Variants in RBFOX1 observed in about 807,000 individuals in gnomAD.
RBFOX1 encodes the protein RNA binding protein fox-1 homolog 1.
A neutral mutation model predicts 57.7 loss-of-function variants in RBFOX1; 8 were observed. That is an observed-to-expected ratio of 0.14 (90% CI 0.08 to 0.25). The LOEUF (loss-of-function observed/expected upper bound fraction) is 0.25. Among genes scored for constraint, RBFOX1 ranks in the 10% least tolerant of loss-of-function variants. RBFOX1 has a pLI of 1.00. For missense variants in RBFOX1, 611 were observed against 548.5 expected (o/e 1.11, Z -1.14); for synonymous variants, 326 against 222.4 (o/e 1.47, Z -4.15).
chr16:5,268,478 C>T (rs753287563), intron 1 of RBFOX1, among the ~76,000 whole-genome samples: 10 of 152,338 alleles, frequency 6.6e-5, no homozygotes, highest in African/African-American at 1.2e-4. Flanking sequence ...CAAGATTATA[C>T]GTGCAAATCC....
intron 4 of RBFOX1, among the ~76,000 whole-genome samples, chr16:7,056,834 A>C (rs151090720): frequency 6.6e-6 from 1 of 152,188 alleles, no homozygotes; most frequent in African/African-American, 2.4e-5. Flanking sequence ...CTGATCTGCA[A>C]TATGGCAATG....
chr16:5,295,788 C>T (rs2063652309), intron 1 of RBFOX1, among the ~76,000 whole-genome samples: 1 of 152,200 alleles, frequency 6.6e-6, no homozygotes, highest in Non-Finnish European at 1.5e-5. Context: ...TCATAGGCCC[C>T]ACCCACATTA....
chr16:5,694,407 C>G (rs2050786421), intron 3 of RBFOX1, among the ~76,000 whole-genome samples: 1 of 152,170 alleles, frequency 6.6e-6, no homozygotes, highest in Non-Finnish European at 1.5e-5. Context: ...TTGAGATTTC[C>G]TGAGTGATTT....
At chr16:6,842,529 C>G (rs2093534468) in intron 3 of RBFOX1, among the ~76,000 whole-genome samples, 2 of 151,912 alleles carry the variant, frequency 1.3e-5, no homozygotes, top group African/African-American at 2.4e-5. Context: ...CCCTTTTCAG[C>G]TTGATGAATA....
At chr16:6,000,229 G>A (rs1408510660) in intron 4 of RBFOX1, among the ~76,000 whole-genome samples, 2 of 152,114 alleles carry the variant, frequency 1.3e-5, no homozygotes, top group Non-Finnish European at 2.9e-5. Context: ...CCCCTGGTGC[G>A]ATGCTTCCTC....
At chr16:6,685,523 G>C (rs1055821411) in intron 3 of RBFOX1, among the ~76,000 whole-genome samples, 1 of 147,416 alleles carries the variant, frequency 6.8e-6, no homozygotes, top group African/African-American at 2.5e-5. Flanking sequence ...CCTCACCTCC[G>C]GTGATCCGCG....
At chr16:7,083,923 C>T (rs1346576862) in intron 4 of RBFOX1, among the ~76,000 whole-genome samples, 4 of 152,110 alleles carry the variant, frequency 2.6e-5, no homozygotes, top group African/African-American at 9.7e-5. Flanking sequence ...GCATCCTGCC[C>T]ACCTAGAGGT....
At chr16:6,425,375 C>G (rs1285152504) in intron 2 of RBFOX1, among the ~76,000 whole-genome samples, 1 of 152,138 alleles carries the variant, frequency 6.6e-6, no homozygotes, top group African/African-American at 2.4e-5. Context: ...AAATTAACAG[C>G]CTCTCCTGAA....
At chr16:6,220,312 A>C (rs1180249168) in intron 1 of RBFOX1, among the ~76,000 whole-genome samples, 1 of 152,124 alleles carries the variant, frequency 6.6e-6, no homozygotes, top group East Asian at 1.9e-4. Context: ...ATGCAGATAC[A>C]TGTTCATTTT....
At chr16:6,979,770 A>G (rs1052158237) in intron 3 of RBFOX1, among the ~76,000 whole-genome samples, 3 of 152,234 alleles carry the variant, frequency 2.0e-5, no homozygotes, top group Non-Finnish European at 4.4e-5. Flanking sequence ...TAAAAATGCA[A>G]AAATCATCTC....
chr16:6,835,671 T>C (rs552057421), intron 3 of RBFOX1, among the ~76,000 whole-genome samples: 2 of 148,010 alleles, frequency 1.4e-5, no homozygotes, highest in South Asian at 2.1e-4. Context: ...TGAGAATAGC[T>C]TGAACCTCAG....
At chr16:7,665,964 A>G (rs183950091) in intron 13 of RBFOX1, among the ~76,000 whole-genome samples, 60 of 152,316 alleles carry the variant, frequency 3.9e-4, no homozygotes, top group African/African-American at 1.3e-3. Flanking sequence ...GAGTTCTACT[A>G]TTGCATCAAG....
chr16:6,906,867 C>G (rs548340976), intron 3 of RBFOX1, among the ~76,000 whole-genome samples: 1 of 151,894 alleles, frequency 6.6e-6, no homozygotes, highest in African/African-American at 2.4e-5. Flanking sequence ...AGATTACAGG[C>G]ACCTGCCACC....
intron 2 of RBFOX1, among the ~76,000 whole-genome samples, chr16:6,395,704 A>G (rs2092800759): frequency 1.3e-5 from 2 of 152,160 alleles, no homozygotes; most frequent in South Asian, 2.1e-4. Flanking sequence ...CTATATACTT[A>G]TATATCAGAT....
intron 3 of RBFOX1, among the ~76,000 whole-genome samples, chr16:5,803,103 G>A (rs998353007): frequency 4.6e-5 from 7 of 152,094 alleles, no homozygotes; most frequent in African/African-American, 1.7e-4. Flanking sequence ...GGAATGGGTT[G>A]GATGGGACTA....
chr16:5,316,547 C>A (rs1485901404), intron 1 of RBFOX1, among the ~76,000 whole-genome samples: 1 of 152,204 alleles, frequency 6.6e-6, no homozygotes, highest in Non-Finnish European at 1.5e-5. Flanking sequence ...GTACCAATAA[C>A]TGGGGGACAT....
intron 3 of RBFOX1, among the ~76,000 whole-genome samples, chr16:5,850,158 A>C (rs1297265020): frequency 1.3e-5 from 2 of 152,086 alleles, no homozygotes; most frequent in Admixed American, 6.6e-5. Flanking sequence ...ACTTCCAATT[A>C]ACTGGTTAAT....
At chr16:6,854,779 A>C (rs2057508449) in intron 3 of RBFOX1, among the ~76,000 whole-genome samples, 1 of 151,764 alleles carries the variant, frequency 6.6e-6, no homozygotes, top group South Asian at 2.1e-4. Context: ...TATTTTTAGT[A>C]GAGACGGGGT....
chr16:7,221,978 A>C lies in RBFOX1; in HGVS notation c.27+169880A>C, dbSNP rs909635872. ...AGTCTTGGTCTGCTTCTGTGATAGA[A>C]CAGGAGAGAGGCAGCATTTTATTTT... On this transcript the variant is annotated intron_variant, in intron 4 of 15. Coordinates refer to ENST00000550418, the MANE Select transcript of RBFOX1 (RefSeq NM_018723.4). 2.6e-5 allele frequency among the ~76,000 whole-genome samples: 4 copies of C among 152,216 alleles called. 1 individual carries two copies. Among genetic ancestry groups the C allele is most frequent in the Non-Finnish European group, 5.9e-5 (4 of 68,026 alleles).
Sources: gnomAD v4.1 joint callset for allele counts (sites outside exome capture counted in the v4.1 genomes callset) on GRCh38, gnomAD v4.1.1 for gene constraint, MANE v1.5 for transcripts, NCBI Gene and HGNC (gene_info 2026-07-23, HGNC 2026-07-21) for gene names.